Variants in CLINT1 observed in about 807,000 individuals in gnomAD.
CLINT1 encodes the protein clathrin interacting protein localized in the trans-Golgi region.
In CLINT1, 15 loss-of-function variants were observed where a neutral mutation model predicts 70.4. The ratio of observed to expected loss-of-function variants is 0.21; its 90% CI spans 0.14 to 0.33. The LOEUF is 0.33. Among genes scored for constraint, CLINT1 ranks in the 10% least tolerant of loss-of-function variants. CLINT1 has a pLI of 1.00. For missense variants in CLINT1, 615 were observed against 778.1 expected (o/e 0.79, Z 2.49); for synonymous variants, 227 against 254.7 (o/e 0.89, Z 1.04).
chr5:157,847,050 T>C (rs550965363), intron 1 of CLINT1, among the ~76,000 whole-genome samples: 98 of 152,232 alleles, frequency 6.4e-4, no homozygotes, highest in Admixed American at 1.1e-3. Context: ...ATGTTCGTTT[T>C]GTAGCCCATG....
intron 8 of CLINT1, among the ~76,000 whole-genome samples, chr5:157,797,471 C>T (rs917495561): frequency 1.3e-5 from 2 of 152,150 alleles, no homozygotes; most frequent in Non-Finnish European, 2.9e-5. Flanking sequence ...CTGCAACCTC[C>T]GCCTGCCAGG....
intron 1 of CLINT1, among the ~76,000 whole-genome samples, chr5:157,830,051 C>T (rs1763174907): frequency 6.6e-6 from 1 of 152,090 alleles, no homozygotes; most frequent in African/African-American, 2.4e-5. Context: ...CAGGCTCAAG[C>T]GATCCTCTCA....
In CLINT1 at chr5:157,824,600, T is replaced by C. The variant is rs138869878; in HGVS notation, c.42-7053A>G. On this transcript the variant is annotated intron_variant, in intron 1 of 11. Coordinates refer to ENST00000411809, the MANE Select transcript of CLINT1 (RefSeq NM_014666.4). ...CGCAGTAGAAGAGATAATTTTGCTA[T>C]AGTAAACATGTTATAAAATAGCCAT... Among the ~76,000 whole-genome samples, 530 of 152,318 alleles carry C rather than the reference T, an allele frequency of 3.5e-3. 3 individuals are homozygous for C. The highest frequency in any genetic ancestry group is 0.014 in the Middle Eastern group (4 of 294).
intron 1 of CLINT1, among the ~76,000 whole-genome samples, chr5:157,854,206 A>G (rs1753672163): frequency 2.0e-5 from 3 of 152,334 alleles, no homozygotes; most frequent in South Asian, 2.1e-4. Flanking sequence ...AAAGAAAAGA[A>G]AAGAAAAATA....
At chr5:157,834,364 A>G (rs1432860155) in intron 1 of CLINT1, among the ~76,000 whole-genome samples, 1 of 102,644 alleles carries the variant, frequency 9.7e-6, no homozygotes, top group Non-Finnish European at 1.9e-5. Context: ...CAGAGCGATT[A>G]AAAAAAAAAA....
chr5:157,859,128 GGT>G lies in CLINT1; in HGVS notation c.-160_-159del. The G allele has an allele frequency of 1.5e-6, 1 of 688,720 alleles. No homozygotes were observed. Among genetic ancestry groups the G allele is most frequent in the Middle Eastern group, 3.5e-4 (1 of 2,866 alleles). The allele number at this position is 688,720 out of a possible 1,614,324, so 42.7% of individuals were successfully genotyped here. A position where few individuals can be genotyped will look rare whatever the true frequency, so the allele number is the denominator to read the frequency against. The stretch of plus-strand genomic sequence containing the variant: ...CCTTTGCCACAGCAGCGGCGCCGCC[GGT>G]GACACGTCGAGACGCGGCAGCACAG... On this transcript the variant is annotated 5_prime_UTR_variant, in exon 1 of 12. Transcript: ENST00000411809.
intron 3 of CLINT1, among the ~76,000 whole-genome samples, chr5:157,815,854 T>C (rs901507433): frequency 3.3e-5 from 5 of 152,208 alleles, no homozygotes; most frequent in African/African-American, 1.2e-4. Flanking sequence ...TATTTTTGTA[T>C]CTAAACATAG....
intron 9 of CLINT1, among the ~76,000 whole-genome samples, 156 bp from the exon 10 acceptor site, chr5:157,792,151 T>C (rs1234908326): frequency 1.3e-5 from 2 of 152,122 alleles, no homozygotes; most frequent in Non-Finnish European, 2.9e-5. Flanking sequence ...TTCTCATAAA[T>C]ATTACACGAG....
chr5:157,854,519 G>A (rs1490433449), intron 1 of CLINT1, among the ~76,000 whole-genome samples: 2 of 152,196 alleles, frequency 1.3e-5, no homozygotes, highest in African/African-American at 2.4e-5. Flanking sequence ...GGACAACTGA[G>A]TGTGACCCTG....
At chr5:157,809,497 TAAAAA>T in intron 6 of CLINT1, 126 bp downstream of exon 6, 1 of 500,620 alleles carries the variant, frequency 2.0e-6, no homozygotes. Context: ...TGAAGTCTAT[TAAAAA>T]AAAAAAAAAA....
chr5:157,856,632 G>C (rs996921224), intron 1 of CLINT1, among the ~76,000 whole-genome samples: 2 of 152,068 alleles, frequency 1.3e-5, no homozygotes, highest in Admixed American at 6.6e-5. Flanking sequence ...CTTACATTTG[G>C]GGGGAAGAAT....
rs748299730 is a variant in CLINT1 at position 157,791,773 on chromosome 5, G to C, written c.1310C>G (p.Ser437Cys). 1 of 1,613,968 alleles carries C rather than the reference G, an allele frequency of 6.2e-7. No individual in the cohort carries two copies. The change falls in exon 10 of 12, where the codon TCC becomes TGC. Residue 437 changes from serine (S) to cysteine (C), a missense_variant. This residue lies in a region of CLINT1 where 374 missense variants were observed against 409.6 expected (regional missense o/e 0.91). Transcript: ENST00000411809. The part of the protein sequence containing the change: ...MGSSQATMTS[S>C]QSMNFSMMST... ...CATCATAGAGAAATTCATACTCTGG[G>C]AAGATGTCATGGTTGCCTGGGACGA...
At chr5:157,800,207 C>A (rs2113156021) in intron 8 of CLINT1, among the ~76,000 whole-genome samples, 1 of 152,184 alleles carries the variant, frequency 6.6e-6, no homozygotes, top group African/African-American at 2.4e-5. Context: ...ACCATATATA[C>A]TTTTGAGAAT....
intron 1 of CLINT1, among the ~76,000 whole-genome samples, chr5:157,845,582 T>C (rs13169649): frequency 1.3e-5 from 2 of 150,342 alleles, no homozygotes; most frequent in African/African-American, 4.9e-5. Flanking sequence ...GACGGAGTCT[T>C]GCTCTGTCGC....
chr5:157,844,082 G>A (rs982825392), intron 1 of CLINT1, among the ~76,000 whole-genome samples: 4 of 151,948 alleles, frequency 2.6e-5, no homozygotes, highest in African/African-American at 9.7e-5. Context: ...TTTAAATTAA[G>A]TAGGCTATAG....
intron 1 of CLINT1, among the ~76,000 whole-genome samples, chr5:157,825,723 T>C (rs1347566102): frequency 1.3e-5 from 2 of 152,164 alleles, no homozygotes; most frequent in Non-Finnish European, 2.9e-5. Flanking sequence ...ATTTTTAAAA[T>C]TATAATTAAG....
At chr5:157,804,931 A>AAACAAG (rs1554098963) in intron 7 of CLINT1, among the ~76,000 whole-genome samples, 3 of 150,542 alleles carry the variant, frequency 2.0e-5, no homozygotes, top group Non-Finnish European at 3.0e-5. Flanking sequence ...CGGTCTTCCA[A>AAACAAG]AAAAAGAAAA....
chr5:157,841,490 T>G (rs1753178288), intron 1 of CLINT1, among the ~76,000 whole-genome samples: 1 of 151,312 alleles, frequency 6.6e-6, no homozygotes, highest in Non-Finnish European at 1.5e-5. Flanking sequence ...CGCTTGAACC[T>G]GGGGAGGCAG....
chr5:157,851,620 C>T (rs928465184), intron 1 of CLINT1, among the ~76,000 whole-genome samples: 1 of 148,468 alleles, frequency 6.7e-6, no homozygotes, highest in Non-Finnish European at 1.5e-5. Context: ...TCGCTTAAAC[C>T]TAGGAGGCTG....
Sources: allele counts gnomAD v4.1 joint callset (sites outside exome capture counted in the v4.1 genomes callset), GRCh38; gene constraint gnomAD v4.1.1; regional missense constraint gnomAD v4.1.1; transcripts MANE v1.5; gene names NCBI Gene and HGNC (gene_info 2026-07-23, HGNC 2026-07-21).